Variants in IFT80 observed in about 807,000 individuals in gnomAD.
The protein encoded by IFT80 is intraflagellar transport protein 80 homolog.
A neutral mutation model predicts 107.9 loss-of-function variants in IFT80; 79 were observed. That is an observed-to-expected ratio of 0.73 (90% CI 0.61 to 0.88). The LOEUF (loss-of-function observed/expected upper bound fraction) is 0.88. Among genes scored for constraint, IFT80 ranks in the 40% least tolerant of loss-of-function variants. IFT80 has a pLI of 0.00. For missense variants in IFT80, 797 were observed against 914.2 expected, an observed-to-expected ratio of 0.87 and a Z score of 1.65; for synonymous variants, 299 against 300.9, an observed-to-expected ratio of 0.99 and a Z score of 0.07.
In IFT80 at chr3:160,277,376, T is replaced by A; in HGVS notation, c.2029A>T (p.Ile677Leu). 1 of 1,613,576 alleles carries A rather than the reference T, an allele frequency of 6.2e-7. No individual in the cohort carries two copies. ...LFSGNIQEAE[I>L]VLLQAGLVYQ... ...ACAAGGCCAGCCTGAAGAAGTACTA[T>A]TTCAGCCTCCTGTATGTTCCCACTA... Residue 677 changes from isoleucine (I) to leucine (L), a missense_variant, in exon 18 of 20, where the codon ATA (isoleucine) becomes TTA (leucine). By Grantham distance (5) the Ile-to-Leu change is conservative. Coordinates refer to ENST00000326448, the MANE Select transcript of IFT80 (RefSeq NM_020800.3).
chr3:160,397,197 C>G (rs946072829), intron 1 of IFT80, among the ~76,000 whole-genome samples: 1 of 152,136 alleles, frequency 6.6e-6, no homozygotes, highest in Non-Finnish European at 1.5e-5. Flanking sequence ...TTCCATCCTA[C>G]TTAGGCACTT....
intron 5 of IFT80, among the ~76,000 whole-genome samples, chr3:160,372,544 A>T (rs1445614091): frequency 6.6e-6 from 1 of 152,236 alleles, no homozygotes; most frequent in Non-Finnish European, 1.5e-5. Context: ...GGCACCAATG[A>T]TTAAACACTC....
intron 1 of IFT80, 26 bp from the exon 2 acceptor site, chr3:160,384,672 A>G: frequency 6.5e-7 from 1 of 1,547,470 alleles, no homozygotes; most frequent in Non-Finnish European, 8.9e-7. Flanking sequence ...GAGAGAAAAT[A>G]TAAAGTCAGC....
At position 160,381,672 on chromosome 3, in the gene IFT80, T is replaced by A. The variant is rs1316971552; in HGVS notation, c.90A>T (p.Ser30=). 3 of 1,612,266 alleles carry A rather than the reference T, an allele frequency of 1.9e-6. No homozygotes were observed. The highest frequency in any genetic ancestry group is 1.3e-5 in the African/African-American group (1 of 74,994). The part of the protein sequence containing the change: ...VGWTTAEELY[S]CSDDHQIVKW... Reference sequence around the variant, plus strand: ...TCACTATCTGGTGATCATCACTACATGAATACAGCTCTTCAGCAGTAGTCC... The same window carrying A: ...TCACTATCTGGTGATCATCACTACAAGAATACAGCTCTTCAGCAGTAGTCC... The change falls in exon 3 of 20, where the codon TCA becomes TCT. Residue 30 remains serine (S), a synonymous_variant. Coordinates refer to ENST00000326448, the MANE Select transcript of IFT80 (RefSeq NM_020800.3).
At position 160,324,312 on chromosome 3, in the gene IFT80, T is replaced by C. The variant is rs573149036; in HGVS notation, c.778-4373A>G. Among the ~76,000 whole-genome samples, 26 of 152,096 alleles carry C rather than the reference T, an allele frequency of 1.7e-4. No homozygotes were observed. In the South Asian group the frequency reaches 3.5e-3, roughly 21 times the overall value. Reference sequence around the variant, plus strand: ...GCATCATCCTAATACCGAAGCCGGGTGGAGACACAACCAAAAAAGAGAATT... The same window carrying C: ...GCATCATCCTAATACCGAAGCCGGGCGGAGACACAACCAAAAAAGAGAATT... On this transcript the variant is annotated intron_variant, in intron 8 of 19. Transcript: ENST00000326448.
intron 8 of IFT80, among the ~76,000 whole-genome samples, chr3:160,322,277 C>T (rs185946404): frequency 1.0e-3 from 146 of 145,568 alleles, no homozygotes; most frequent in African/African-American, 3.6e-3. Context: ...TGAGTGAGAA[C>T]ATGTGGTGTT....
intron 12 of IFT80, among the ~76,000 whole-genome samples, chr3:160,299,672 C>T (rs923857372): frequency 1.3e-5 from 2 of 152,070 alleles, no homozygotes; most frequent in Non-Finnish European, 2.9e-5. Context: ...TGGCTTTAAG[C>T]GCTAGCAGTA....
chr3:160,309,252 T>A (rs752405871), intron 9 of IFT80, among the ~76,000 whole-genome samples: 1 of 152,130 alleles, frequency 6.6e-6, no homozygotes, highest in Non-Finnish European at 1.5e-5. Context: ...ACAGCACTAT[T>A]AGTAATAGCA....
At chr3:160,304,126 G>A (rs1297950488) in intron 10 of IFT80, 137 bp from the exon 11 acceptor site, 1 of 667,714 alleles carries the variant, frequency 1.5e-6, no homozygotes, top group African/African-American at 1.8e-5. Context: ...ACAGCACTTG[G>A]TGCATTGTTC....
At position 160,381,734 on chromosome 3, in the gene IFT80, T is replaced by C; in HGVS notation, c.38-10A>G. 2 of 1,601,496 alleles carry C rather than the reference T, an allele frequency of 1.2e-6. No individual in the cohort carries two copies. The highest frequency in any genetic ancestry group is 1.7e-6 in the Non-Finnish European group (2 of 1,170,318). On this transcript the variant is annotated splice_polypyrimidine_tract_variant and intron_variant, in intron 2 of 19. Transcript: ENST00000326448. ...CTTACTAATTCTTGATGTGTCACCA[T>C]GTTAAAGAGACATAAAACATACAAA... is the stretch of plus-strand genomic sequence containing the variant.
chr3:160,320,377 C>T (rs1374455445), intron 8 of IFT80, among the ~76,000 whole-genome samples: 1 of 151,674 alleles, frequency 6.6e-6, no homozygotes, highest in Non-Finnish European at 1.5e-5. Context: ...ACTAAAATAG[C>T]TCTGACCCAC....
chr3:160,356,256 C>A, intron 7 of IFT80, 106 bp from the exon 8 acceptor site: 2 of 954,116 alleles, frequency 2.1e-6, no homozygotes, highest in South Asian at 1.7e-5. Context: ...ACAGACACCA[C>A]ATAAAAACAA....
chr3:160,327,749 A>G (rs1288763686), intron 8 of IFT80, among the ~76,000 whole-genome samples: 1 of 152,226 alleles, frequency 6.6e-6, no homozygotes, highest in African/African-American at 2.4e-5. Context: ...AAGAAAACCT[A>G]GGCAATACCA....
At position 160,362,562 on chromosome 3, in the gene IFT80, A is replaced by G. The variant is rs185471263; in HGVS notation, c.549+3481T>C. Among the ~76,000 whole-genome samples the G allele has an allele frequency of 1.1e-3, 171 of 152,296 alleles. 1 individual carries two copies. The highest frequency in any genetic ancestry group is 8.2e-3 in the Admixed American group (126 of 15,286). ...GATACGAAAGCCTGGCAGAGACACA[A>G]CCAAAGAAGAGAATTTTAGACCAAT... On this transcript the variant is annotated intron_variant, in intron 6 of 19. Coordinates refer to ENST00000326448, the MANE Select transcript of IFT80 (RefSeq NM_020800.3).
At chr3:160,385,197 T>C (rs552785112) in intron 1 of IFT80, among the ~76,000 whole-genome samples, 135 of 152,254 alleles carry the variant, frequency 8.9e-4, no homozygotes, top group African/African-American at 3.1e-3. Flanking sequence ...GGTAATAAAT[T>C]GCTTATAAAA....
intron 8 of IFT80, among the ~76,000 whole-genome samples, chr3:160,327,692 A>G (rs1718770854): frequency 6.6e-6 from 1 of 152,240 alleles, no homozygotes; most frequent in South Asian, 2.1e-4. Context: ...AATTAACTCA[A>G]GATGGATTAA....
rs550959842 is a variant in IFT80 at position 160,361,276 on chromosome 3, A to T, written c.550-3698T>A. On this transcript the variant is annotated intron_variant, in intron 6 of 19. Coordinates refer to ENST00000326448, the MANE Select transcript of IFT80 (RefSeq NM_020800.3). ...AACCAACAAAGATCAAAAGGGACAA[A>T]GAAGGCCATTACCTAATGGTAAAGG... Among the ~76,000 whole-genome samples, 18 of 152,342 alleles carry T rather than the reference A, an allele frequency of 1.2e-4. No individual in the cohort carries two copies. In the South Asian group the frequency reaches 3.5e-3, roughly 30 times the overall value.
At chr3:160,303,725 C>CT (rs1461391899) in intron 11 of IFT80, among the ~76,000 whole-genome samples, 190 bp downstream of exon 11, 3 of 152,178 alleles carry the variant, frequency 2.0e-5, no homozygotes, top group Non-Finnish European at 2.9e-5. Flanking sequence ...AATTCAGAGA[C>CT]TAAAATGTTT....
intron 1 of IFT80, among the ~76,000 whole-genome samples, chr3:160,397,871 G>A (rs1342949414): frequency 2.0e-5 from 3 of 151,870 alleles, no homozygotes; most frequent in Non-Finnish European, 4.4e-5. Context: ...ACAGGCATGC[G>A]CCACCATGCC....
Sources: allele counts gnomAD v4.1 joint callset (sites outside exome capture counted in the v4.1 genomes callset), GRCh38; gene constraint gnomAD v4.1.1; transcripts MANE v1.5; gene names NCBI Gene and HGNC (gene_info 2026-07-23, HGNC 2026-07-21).